The following EYS variants were observed in gnomAD, a reference collection of about 807,000 sequenced individuals.
The protein encoded by EYS is protein eyes shut homolog.
A neutral mutation model predicts 282.1 loss-of-function variants in EYS; 250 were observed. The observed-to-expected ratio is 0.89, with a 90% CI of 0.80 to 0.98. The LOEUF (loss-of-function observed/expected upper bound fraction) is 0.98. Among genes scored for constraint, EYS ranks in the 50% least tolerant of loss-of-function variants. The probability of loss-of-function intolerance (pLI) is 0.00; values close to 1 mark genes in which losing one functional copy is unlikely to be tolerated. For missense variants in EYS, 4,016 were observed against 3,709.0 expected, an observed-to-expected ratio of 1.08 and a Z score of -2.15; for synonymous variants, 1,355 against 1,282.9, an observed-to-expected ratio of 1.06 and a Z score of -1.20.
chr6:64,982,208 C>A (rs1770699144), intron 14 of EYS, among the ~76,000 whole-genome samples: 1 of 151,200 alleles, frequency 6.6e-6, no homozygotes, highest in African/African-American at 2.4e-5. Context: ...TCATGTTGGT[C>A]AGCCCATTAA....
At chr6:64,771,145 T>C (rs1382197552) in intron 22 of EYS, among the ~76,000 whole-genome samples, 1 of 151,736 alleles carries the variant, frequency 6.6e-6, no homozygotes, top group African/African-American at 2.4e-5. Flanking sequence ...TTTCCTTCTA[T>C]GCTATATATA....
At chr6:63,735,655 TC>T (rs1768891634) in intron 41 of EYS, among the ~76,000 whole-genome samples, 1 of 152,062 alleles carries the variant, frequency 6.6e-6, no homozygotes, top group Admixed American at 6.6e-5. Flanking sequence ...AACCTCCAAA[TC>T]AGGAGTCAAC....
At chr6:65,252,116 A>G (rs549266133) in intron 12 of EYS, among the ~76,000 whole-genome samples, 13 of 151,784 alleles carry the variant, frequency 8.6e-5, no homozygotes, top group Non-Finnish European at 1.9e-4. Context: ...GCAGTCATGG[A>G]AGTGAAGAGC....
rs149128103 is a variant in EYS, at chr6:65,694,889, G to A, written c.-448+12246C>T. Among the ~76,000 whole-genome samples the A allele has an allele frequency of 7.8e-4, 118 of 151,826 alleles. 2 individuals are homozygous for A. In the East Asian group the frequency reaches 0.017, roughly 22 times the overall value. ...TAATCTCAAGAAAAGACAGTATTGC[G>A]TAAGAAAAATTATTAATAAAATATA... On this transcript the variant is annotated intron_variant, in intron 1 of 42. Transcript: ENST00000503581.
intron 33 of EYS, among the ~76,000 whole-genome samples, chr6:64,023,922 G>A (rs1381693494): frequency 6.6e-6 from 1 of 152,234 alleles, no homozygotes; most frequent in Non-Finnish European, 1.5e-5. Flanking sequence ...TAGCACCTGG[G>A]CCAGCAGCTG....
intron 35 of EYS, among the ~76,000 whole-genome samples, chr6:63,879,398 G>T (rs916027602): frequency 3.3e-5 from 5 of 152,002 alleles, no homozygotes; most frequent in Admixed American, 1.3e-4. Flanking sequence ...GTGGAGAGAG[G>T]GAGAGGCTAC....
intron 22 of EYS, among the ~76,000 whole-genome samples, chr6:64,757,186 GT>G (rs1018403178): frequency 1.6e-4 from 25 of 152,222 alleles, no homozygotes; most frequent in Admixed American, 1.1e-3. Flanking sequence ...ATGACCTGAT[GT>G]TTTTTGTCTG....
intron 2 of EYS, among the ~76,000 whole-genome samples, chr6:65,600,066 G>C (rs1450269452): frequency 6.6e-6 from 1 of 152,052 alleles, no homozygotes; most frequent in Non-Finnish European, 1.5e-5. Flanking sequence ...GTTCACCTCA[G>C]CTTCCACTGC....
chr6:64,892,685 T>C (rs1244164072), intron 18 of EYS, among the ~76,000 whole-genome samples: 1 of 152,050 alleles, frequency 6.6e-6, no homozygotes, highest in African/African-American at 2.4e-5. Flanking sequence ...ATGTCTACAT[T>C]ATTTATCATA....
chr6:64,348,965 G>T (rs916627390), intron 29 of EYS, among the ~76,000 whole-genome samples: 46 of 151,280 alleles, frequency 3.0e-4, no homozygotes, highest in Non-Finnish European at 1.9e-4. Context: ...CTTTTATTAG[G>T]ACTTTGAATA....
At chr6:63,753,724 T>A (rs1769405569) in intron 41 of EYS, among the ~76,000 whole-genome samples, 1 of 152,114 alleles carries the variant, frequency 6.6e-6, no homozygotes, top group South Asian at 2.1e-4. Flanking sequence ...CAATTTGAGA[T>A]GAGATTTGAG....
chr6:64,399,163 A>C (rs1773470857), intron 28 of EYS, among the ~76,000 whole-genome samples: 1 of 151,766 alleles, frequency 6.6e-6, no homozygotes, highest in Non-Finnish European at 1.5e-5. Context: ...TAAGATATCA[A>C]ATATATTTAT....
chr6:64,603,449 AGAG>A (rs1766825055), intron 24 of EYS, among the ~76,000 whole-genome samples: 2 of 152,050 alleles, frequency 1.3e-5, no homozygotes, highest in East Asian at 3.9e-4. Flanking sequence ...TTGCCTCCCA[AGAG>A]CACACAGAAC....
Position 64,025,342 on chromosome 6 carries a change from A to G in EYS, c.6726-26159T>C, listed in dbSNP as rs145613866. Among the ~76,000 whole-genome samples the G allele has an allele frequency of 2.0e-5, 3 of 152,262 alleles. No homozygotes were observed. In the East Asian group the frequency reaches 5.8e-4, roughly 30 times the overall value. ...GTGCAGCTCCGAGGTCCCAACAACA[A>G]GTTGGTTGACCCTGCAGCCATGAGC... On this transcript the variant is annotated intron_variant, in intron 33 of 42. Coordinates refer to ENST00000503581, the MANE Select transcript of EYS (RefSeq NM_001142800.2).
intron 10 of EYS, among the ~76,000 whole-genome samples, chr6:65,336,579 T>G (rs558897794): frequency 6.6e-6 from 1 of 151,684 alleles, no homozygotes; most frequent in South Asian, 2.1e-4. Context: ...AGCATTGTAT[T>G]GATAGACAGA....
At chr6:63,757,757 G>T (rs981787469) in intron 41 of EYS, among the ~76,000 whole-genome samples, 1 of 152,090 alleles carries the variant, frequency 6.6e-6, no homozygotes, top group Admixed American at 6.6e-5. Context: ...TATTGGGGGT[G>T]GGTTCCCCTG....
At chr6:64,377,700 G>A (rs1582671808) in intron 29 of EYS, 1 of 151,952 alleles carries the variant, frequency 6.6e-6, no homozygotes. Context: ...TTGTGTTTTT[G>A]ATTTTTTTTT....
intron 19 of EYS, 29 bp downstream of exon 19, chr6:64,886,668 T>G (rs1400955769): frequency 1.3e-5 from 19 of 1,496,480 alleles, no homozygotes; most frequent in Non-Finnish European, 1.5e-5. Context: ...AGAAATATGT[T>G]GCTGCACATG....
intron 31 of EYS, among the ~76,000 whole-genome samples, chr6:64,180,354 T>G (rs1026858230): frequency 6.6e-6 from 1 of 152,190 alleles, no homozygotes; most frequent in Non-Finnish European, 1.5e-5. Context: ...ATTACTTTAT[T>G]CACAAATGGT....
Sources: gnomAD v4.1 joint callset for allele counts (sites outside exome capture counted in the v4.1 genomes callset) on GRCh38, gnomAD v4.1.1 for gene constraint, MANE v1.5 for transcripts, NCBI Gene and HGNC (gene_info 2026-07-23, HGNC 2026-07-21) for gene names.